The following PRKG1 variants were observed in gnomAD, a reference collection of about 807,000 sequenced individuals.
The protein encoded by PRKG1 is protein kinase cGMP-dependent 1, also known as cGMP-dependent protein kinase 1.
PRKG1 carries 35 observed loss-of-function variants against 88.1 expected under a neutral mutation model. That is an observed-to-expected ratio of 0.40 (90% confidence interval 0.30 to 0.53). The LOEUF is 0.53. PRKG1 is among the 20% of genes least tolerant of loss of function. The probability of loss-of-function intolerance (pLI) is 0.59; values close to 1 mark genes in which losing one functional copy is unlikely to be tolerated. For synonymous variants in PRKG1, 303 were observed against 292.5 expected (o/e 1.04, Z -0.37); for missense variants, 540 against 839.8 (o/e 0.64, Z 4.41).
At chr10:51,196,888 A>G (rs74133532) in intron 2 of PRKG1, among the ~76,000 whole-genome samples, 8,086 of 152,286 alleles carry the variant, frequency 0.053, 401 homozygotes, top group African/African-American at 0.13. Flanking sequence ...TATATGAATA[A>G]CAGTGGAATG....
At chr10:51,819,652 G>T (rs72799437) in intron 4 of PRKG1, among the ~76,000 whole-genome samples, 3,267 of 152,224 alleles carry the variant, frequency 0.021, 59 homozygotes, top group Non-Finnish European at 0.037. Flanking sequence ...GTCAGGAAAA[G>T]GAAATAGAGT....
At chr10:52,179,126 G>A (rs1910544) in intron 9 of PRKG1, among the ~76,000 whole-genome samples, 34,923 of 151,674 alleles carry the variant, frequency 0.23, 6,012 homozygotes, top group African/African-American at 0.49. Flanking sequence ...GTGGTTCTCT[G>A]TGGTGATAAC....
At chr10:51,154,868 T>A (rs1846167552) in intron 2 of PRKG1, among the ~76,000 whole-genome samples, 1 of 151,880 alleles carries the variant, frequency 6.6e-6, no homozygotes, top group Non-Finnish European at 1.5e-5. Context: ...AGGCTATATG[T>A]GGATAGTGAG....
At chr10:51,859,285 C>T (rs61850036) in intron 4 of PRKG1, among the ~76,000 whole-genome samples, 23 of 152,028 alleles carry the variant, frequency 1.5e-4, no homozygotes, top group Non-Finnish European at 2.6e-4. Context: ...CAAACATGGC[C>T]GGGTGCTAAG....
chr10:51,861,185 T>G (rs1163618722), intron 4 of PRKG1, among the ~76,000 whole-genome samples: 4 of 152,240 alleles, frequency 2.6e-5, no homozygotes, highest in Non-Finnish European at 5.9e-5. Context: ...GTCTGGTGTC[T>G]GAGTTCAAAT....
chr10:51,429,715 G>A lies in PRKG1; in HGVS notation c.479-38008G>A, dbSNP rs1340005738. Among the ~76,000 whole-genome samples, 3 of 151,884 alleles carry A rather than the reference G, an allele frequency of 2.0e-5. No homozygotes were observed. The East Asian group carries it at 5.8e-4, about 29-fold the overall frequency. On this transcript the variant is annotated intron_variant, in intron 2 of 17. Transcript: ENST00000373980. ...AAATATTCACTAGAGCAGCTCAAGA[G>A]CAGCTTCAAGATGGCAGAGAGAAGA...
chr10:51,130,168 A>G (rs1310615710), intron 1 of PRKG1, among the ~76,000 whole-genome samples: 1 of 152,232 alleles, frequency 6.6e-6, no homozygotes, highest in Admixed American at 6.5e-5. Flanking sequence ...TGTTCAAGTC[A>G]GAAGCCTATG....
At chr10:52,224,829 A>ATATATATATATATATATATATC (rs1840348311) in intron 9 of PRKG1, among the ~76,000 whole-genome samples, 1 of 140,788 alleles carries the variant, frequency 7.1e-6, no homozygotes, top group Admixed American at 7.1e-5. Context: ...ATATATATAT[A>ATATATATATATATATATATATC]TATATATATA....
At chr10:51,854,411 C>T (rs950217673) in intron 4 of PRKG1, among the ~76,000 whole-genome samples, 7 of 152,028 alleles carry the variant, frequency 4.6e-5, no homozygotes, top group African/African-American at 1.4e-4. Context: ...GTAAAGAAGG[C>T]ATAATTCACA....
At chr10:51,088,726 A>C (rs1844319481) in intron 1 of PRKG1, among the ~76,000 whole-genome samples, 1 of 152,126 alleles carries the variant, frequency 6.6e-6, no homozygotes, top group African/African-American at 2.4e-5. Flanking sequence ...AAGTTACATG[A>C]AAACAAAGTC....
At chr10:51,881,788 A>G (rs1841444615) in intron 4 of PRKG1, among the ~76,000 whole-genome samples, 1 of 152,246 alleles carries the variant, frequency 6.6e-6, no homozygotes, top group South Asian at 2.1e-4. Flanking sequence ...TGTTATAAAT[A>G]TAGCATATTT....
intron 1 of PRKG1, among the ~76,000 whole-genome samples, chr10:51,079,761 G>T (rs1413511341): frequency 6.6e-6 from 1 of 151,978 alleles, no homozygotes; most frequent in Non-Finnish European, 1.5e-5. Context: ...CAGAATATCA[G>T]TTCAGCTTTC....
intron 3 of PRKG1, among the ~76,000 whole-genome samples, chr10:51,644,777 C>T (rs1218288832): frequency 6.6e-6 from 1 of 152,012 alleles, no homozygotes; most frequent in African/African-American, 2.4e-5. Context: ...TCCTTCCTTC[C>T]TCGCTTCCTC....
At chr10:51,210,735 G>A (rs1401071068) in intron 2 of PRKG1, among the ~76,000 whole-genome samples, 1 of 152,072 alleles carries the variant, frequency 6.6e-6, no homozygotes, top group Non-Finnish European at 1.5e-5. Flanking sequence ...TAAATTCCTC[G>A]ACACATACAG....
intron 3 of PRKG1, among the ~76,000 whole-genome samples, chr10:51,754,690 C>G (rs1589259798): frequency 6.6e-6 from 1 of 152,234 alleles, no homozygotes; most frequent in Non-Finnish European, 1.5e-5. Flanking sequence ...CAGAAGGTGC[C>G]CATTAGTGAA....
At chr10:52,146,684 T>C (rs1837737970) in intron 8 of PRKG1, among the ~76,000 whole-genome samples, 1 of 152,220 alleles carries the variant, frequency 6.6e-6, no homozygotes, top group African/African-American at 2.4e-5. Context: ...ATAATTGAGT[T>C]TCTTTGTCAT....
intron 2 of PRKG1, among the ~76,000 whole-genome samples, chr10:51,293,447 A>G (rs563437526): frequency 3.9e-5 from 6 of 152,196 alleles, no homozygotes; most frequent in Middle Eastern, 3.4e-3. Context: ...TTAAGATTTC[A>G]TTCTATTCAA....
In PRKG1 at chr10:51,477,105, A is replaced by T. The variant is rs150128337; in HGVS notation, c.592+9269A>T. 4.7e-4 allele frequency among the ~76,000 whole-genome samples: 71 copies of T among 151,878 alleles called. No individual in the cohort carries two copies. The East Asian group carries it at 0.013, about 27-fold the overall frequency. On this transcript the variant is annotated intron_variant, in intron 3 of 17. Coordinates refer to ENST00000373980, the MANE Select transcript of PRKG1 (RefSeq NM_006258.4). Reference sequence around the variant, plus strand: ...GCAAAACATTGAACTACATCATCTCAAATGTTGTTTTTGGCAGTTGATATA... The same window carrying T: ...GCAAAACATTGAACTACATCATCTCTAATGTTGTTTTTGGCAGTTGATATA...
intron 7 of PRKG1, among the ~76,000 whole-genome samples, chr10:52,071,511 T>G (rs1846495967): frequency 6.6e-6 from 1 of 152,190 alleles, no homozygotes; most frequent in South Asian, 2.1e-4. Flanking sequence ...TCATCTTTTT[T>G]TGCTGTATGT....
Sources: gnomAD v4.1 joint callset for allele counts (sites outside exome capture counted in the v4.1 genomes callset) on GRCh38, gnomAD v4.1.1 for gene constraint, MANE v1.5 for transcripts, NCBI Gene and HGNC (gene_info 2026-07-23, HGNC 2026-07-21) for gene names.